Variants in RYR2 observed in about 807,000 individuals in gnomAD.
The protein encoded by RYR2 is ryanodine receptor 2.
Under a neutral mutation model 601.1 loss-of-function variants are expected in RYR2, and 227 were observed. The ratio of observed to expected loss-of-function variants is 0.38; its 90% CI spans 0.34 to 0.42. The LOEUF (loss-of-function observed/expected upper bound fraction) is 0.42. Ranked by LOEUF, RYR2 falls within the 10% of genes least tolerant of loss-of-function variation. The probability of loss-of-function intolerance (pLI) is 1.00; values close to 1 mark genes in which losing one functional copy is unlikely to be tolerated. For synonymous variants in RYR2, 2,223 were observed against 2,175.1 expected (o/e 1.02, Z -0.61); for missense variants, 4,646 against 6,156.5 (o/e 0.75, Z 8.21).
intron 29 of RYR2, among the ~76,000 whole-genome samples, chr1:237,584,041 T>C (rs187989554): frequency 5.3e-5 from 8 of 152,336 alleles, no homozygotes; most frequent in Admixed American, 3.3e-4. Flanking sequence ...TAATTTAAGA[T>C]CCACTGCCAG....
chr1:237,092,216 G>A (rs1433375244), intron 1 of RYR2, among the ~76,000 whole-genome samples: 2 of 152,174 alleles, frequency 1.3e-5, no homozygotes, highest in African/African-American at 4.8e-5. Context: ...ATGGGTTGAT[G>A]TTACCTGGTG....
At chr1:237,186,782 G>A (rs534986804) in intron 1 of RYR2, among the ~76,000 whole-genome samples, 15 of 152,294 alleles carry the variant, frequency 9.8e-5, no homozygotes, top group South Asian at 2.1e-4. Context: ...ATAATTATTC[G>A]CATCTCCTTG....
At chr1:237,594,828 C>G (rs1675624694) in intron 33 of RYR2, among the ~76,000 whole-genome samples, 1 of 139,614 alleles carries the variant, frequency 7.2e-6, no homozygotes, top group African/African-American at 2.8e-5. Flanking sequence ...GTTACCATCT[C>G]TAGTAAAAGC....
intron 96 of RYR2, 52 bp from the exon 97 acceptor site, chr1:237,797,985 T>C (rs1659460276): frequency 1.3e-6 from 2 of 1,505,890 alleles, no homozygotes; most frequent in South Asian, 2.4e-5. Flanking sequence ...CACATATAGA[T>C]GATGTTACTT....
intron 97 of RYR2, among the ~76,000 whole-genome samples, chr1:237,800,327 T>C (rs548020124): frequency 2.0e-5 from 3 of 152,280 alleles, no homozygotes; most frequent in East Asian, 3.9e-4. Context: ...AAAATTCTTA[T>C]ATTGAAACCT....
intron 1 of RYR2, among the ~76,000 whole-genome samples, chr1:237,233,302 GA>G (rs1051603012): frequency 7.2e-5 from 11 of 152,168 alleles, no homozygotes; most frequent in Admixed American, 4.6e-4. Flanking sequence ...TGCTAAATTG[GA>G]ATTTAGGCTG....
At chr1:237,185,122 C>G (rs1679210287) in intron 1 of RYR2, among the ~76,000 whole-genome samples, 1 of 151,812 alleles carries the variant, frequency 6.6e-6, no homozygotes, top group African/African-American at 2.4e-5. Context: ...CACCTCGGCC[C>G]CCCAAATAGT....
chr1:237,469,278 A>AC, intron 17 of RYR2, 91 bp downstream of exon 17: 1 of 712,680 alleles, frequency 1.4e-6, no homozygotes, highest in Non-Finnish European at 2.0e-6. Context: ...AAAAAAAAAA[A>AC]ACAACTTTGA....
chr1:237,270,486 C>T lies in RYR2; in HGVS notation c.49-11C>T, dbSNP rs2149346688. On this transcript the variant is annotated splice_polypyrimidine_tract_variant and intron_variant, in intron 1 of 104. Transcript: ENST00000366574. ...TCACTTATTTTTCCCTCTCTTTCTC[C>T]CCCTTTGCAGGATGATGAAGTGGTT... 6.4e-7 allele frequency: 1 copy of T among 1,567,496 alleles called. No individual in the cohort carries two copies. Among genetic ancestry groups the T allele is most frequent in the South Asian group, 1.2e-5 (1 of 85,050 alleles).
intron 12 of RYR2, among the ~76,000 whole-genome samples, chr1:237,431,981 TGTGA>T (rs1387451965): frequency 2.6e-5 from 4 of 152,222 alleles, no homozygotes; most frequent in African/African-American, 4.8e-5. Flanking sequence ...TTTTATATTC[TGTGA>T]GTAAGTTAAC....
chr1:237,566,820 G>C, intron 28 of RYR2, 45 bp downstream of exon 28: 1 of 1,590,276 alleles, frequency 6.3e-7, no homozygotes. Flanking sequence ...CGTGCTGGAG[G>C]CTCATCTCCT....
At chr1:237,702,513 G>A (rs1346204432) in intron 66 of RYR2, among the ~76,000 whole-genome samples, 3 of 152,044 alleles carry the variant, frequency 2.0e-5, no homozygotes, top group Non-Finnish European at 4.4e-5. Flanking sequence ...AAAATAAAGA[G>A]ATCACTGGCA....
At chr1:237,061,014 T>C (rs1341481754) in intron 1 of RYR2, among the ~76,000 whole-genome samples, 1 of 152,200 alleles carries the variant, frequency 6.6e-6, no homozygotes, top group Non-Finnish European at 1.5e-5. Context: ...TAGCAGTACT[T>C]AGTAAATGTT....
At chr1:237,651,771 C>T (rs1001745619) in intron 51 of RYR2, among the ~76,000 whole-genome samples, 1 of 151,780 alleles carries the variant, frequency 6.6e-6, no homozygotes, top group Non-Finnish European at 1.5e-5. Flanking sequence ...GGCGCGGTGG[C>T]TCACGCCTGT....
intron 14 of RYR2, among the ~76,000 whole-genome samples, chr1:237,447,525 C>A (rs1465075450): frequency 6.6e-6 from 1 of 152,058 alleles, no homozygotes; most frequent in Admixed American, 6.5e-5. Flanking sequence ...ATTTGTTATA[C>A]CTGTCATGAT....
intron 76 of RYR2, among the ~76,000 whole-genome samples, chr1:237,728,209 CA>C (rs928719690): frequency 3.9e-5 from 6 of 151,992 alleles, no homozygotes; most frequent in African/African-American, 1.4e-4. Flanking sequence ...GAAACATAAG[CA>C]AAACAAATAG....
intron 56 of RYR2, among the ~76,000 whole-genome samples, chr1:237,664,585 T>C (rs1684121324): frequency 1.3e-5 from 2 of 152,186 alleles, no homozygotes; most frequent in African/African-American, 4.8e-5. Context: ...GTGAGACTTA[T>C]TCACTACCAC....
chr1:237,333,728 A>G, intron 3 of RYR2: 1 of 436,184 alleles, frequency 2.3e-6, no homozygotes, highest in South Asian at 1.6e-5. Context: ...TGTCCCCTTT[A>G]CACTCATTAT....
intron 57 of RYR2, 43 bp from the exon 58 acceptor site, chr1:237,667,840 C>CT: frequency 7.1e-7 from 1 of 1,415,636 alleles, no homozygotes; most frequent in Non-Finnish European, 9.7e-7. Context: ...CAATATTATC[C>CT]TTTTTTACTT....
Sources: gnomAD v4.1 joint callset for allele counts (sites outside exome capture counted in the v4.1 genomes callset) on GRCh38, gnomAD v4.1.1 for gene constraint, MANE v1.5 for transcripts, NCBI Gene and HGNC (gene_info 2026-07-23, HGNC 2026-07-21) for gene names.